Variants in ALYREF observed in about 807,000 individuals in gnomAD.
The protein encoded by ALYREF is Aly/REF export factor.
A neutral mutation model predicts 25.2 loss-of-function variants in ALYREF; 1 was observed. The ratio of observed to expected loss-of-function variants is 0.04; its 90% CI spans 0.01 to 0.19. The LOEUF (loss-of-function observed/expected upper bound fraction) is 0.19, where lower values mean the gene tolerates loss of function less well. Among genes scored for constraint, ALYREF ranks in the 10% least tolerant of loss-of-function variants. The pLI, the probability that ALYREF is intolerant of heterozygous loss-of-function variation, is 1.00. For missense variants in ALYREF, 328 were observed against 375.6 expected (o/e 0.87, Z 1.05); for synonymous variants, 193 against 153.5 (o/e 1.26, Z -1.90).
At position 81,890,779 on chromosome 17, in the gene ALYREF, G is replaced by A. The variant is rs754737042; in HGVS notation, c.300C>T (p.Asp100=). 1.8e-5 allele frequency: 29 copies of A among 1,614,008 alleles called. No individual in the cohort carries two copies. The Admixed American group carries it at 2.2e-4, about 12-fold the overall frequency. The part of the protein sequence containing the change: ...LPDKWQHDLF[D]SGFGGGAGVE... ...CGCCGGCACCACCGCCGAAGCCACT[G>A]TCGAAAAGATCGTGCTGCCACTTGT... Residue 100 remains aspartate, a synonymous_variant, in exon 2 of 6, where the codon GAC becomes GAT. Coordinates refer to ENST00000505490, the MANE Select transcript of ALYREF (RefSeq NM_005782.4).
chr17:81,888,678 A>G lies in ALYREF; in HGVS notation c.539-95T>C. ...CCTGGTCTCCATGCAAACACTGGAA[A>G]GGGCCTCTGTGCGTCTCAAATGCCC... On this transcript the variant is annotated intron_variant, in intron 3 of 5. Coordinates refer to ENST00000505490, the MANE Select transcript of ALYREF (RefSeq NM_005782.4). This position sits in a 1 kb window ranked among gnomAD's most constrained non-coding sequence, Gnocchi z 5.8. 1 of 1,530,648 alleles carries G rather than the reference A, an allele frequency of 6.5e-7. No individual in the cohort carries two copies. Among genetic ancestry groups the G allele is most frequent in the South Asian group, 1.2e-5 (1 of 82,452 alleles). The allele number at this position is 1,530,648 out of a possible 1,614,324, so 94.8% of individuals were successfully genotyped here.
In ALYREF at chr17:81,891,366, G is replaced by A; in HGVS notation, c.215C>T (p.Ala72Val). 5 of 1,149,774 alleles carry A rather than the reference G, an allele frequency of 4.3e-6. No homozygotes were observed. The highest frequency in any genetic ancestry group is 5.4e-6 in the Non-Finnish European group (5 of 933,896). 71.2% of individuals were successfully genotyped at this position (1,149,774 alleles called of 1,614,324 possible). ...TCGGTTCCTGCCGCCTCCGCCGGCC[G>A]CGCCGCGGGCGATGGCCGGCCGGTT... ...IRNRPAIARG[A>V]AGGGGRNRPA... The change falls in exon 1 of 6, where the codon GCG (alanine) becomes GTG (valine). Residue 72 changes from alanine (A) to valine (V), a missense_variant. Coordinates refer to ENST00000505490, the MANE Select transcript of ALYREF (RefSeq NM_005782.4).
At chr17:81,891,057 G>T in intron 1 of ALYREF, 1 of 694,362 alleles carries the variant, frequency 1.4e-6, no homozygotes, top group Non-Finnish European at 2.3e-6. Flanking sequence ...CGCGCCCAGC[G>T]TCCCCTCCTC....
chr17:81,891,295 C>G (rs2039523984), intron 1 of ALYREF, 28 bp downstream of exon 1: 1 of 1,128,178 alleles, frequency 8.9e-7, no homozygotes, highest in African/African-American at 1.7e-5. Flanking sequence ...CCCTCCCACT[C>G]TCCGGCGCGG....
rs1381337363 is a variant in ALYREF, at chr17:81,889,295, G to A, written c.425C>T (p.Ala142Val). ...LFAEFGTLKK[A>V]AVHYDRSGRS... ...ACCAGAGCGATCATAGTGCACAGCC[G>A]CCTTCTTCAGCGTTCCAAATTCAGC... Residue 142 changes from alanine to valine, a missense_variant, in exon 3 of 6, where the codon GCG becomes GTG. Ala to Val is a moderately conservative substitution (Grantham distance 64, BLOSUM62 0). Around this residue, in one of 3 missense-constraint regions of ALYREF, gnomAD observed 70 missense variants for 129.9 expected, o/e 0.54. Transcript: ENST00000505490. 9 of 1,614,046 alleles carry A rather than the reference G, an allele frequency of 5.6e-6. No homozygotes were observed. The highest frequency in any genetic ancestry group is 2.5e-6 in the Non-Finnish European group (3 of 1,179,978).
Position 81,891,438 on chromosome 17 carries a change from C to T in ALYREF, c.143G>A (p.Gly48Glu). Reference sequence around the variant, plus strand: ...ATTCACTCGCGCGGCGGCCTGCGCCCCACCGCCGCGGCCGCCCTGGGAGCC... The same window carrying T: ...ATTCACTCGCGCGGCGGCCTGCGCCTCACCGCCGCGGCCGCCCTGGGAGCC... ...RAGSQGGRGG[G>E]AQAAARVNRG... Residue 48 changes from glycine (G) to glutamate (E), a missense_variant, in exon 1 of 6, where the codon GGG becomes GAG. Transcript: ENST00000505490. The T allele has an allele frequency of 9.8e-7, 1 of 1,019,476 alleles. No homozygotes were observed. Among genetic ancestry groups the T allele is most frequent in the Non-Finnish European group, 1.2e-6 (1 of 856,146 alleles). 63.2% of individuals were successfully genotyped at this position (1,019,476 alleles called of 1,614,324 possible).
In ALYREF at chr17:81,891,339, G is replaced by A. The variant is rs1202323648; in HGVS notation, c.242C>T (p.Pro81Leu). ...GAAGGGGRNR[P>L]APYSRPKQLP... ...CGCACTCACCCTGCTGTAGGGCGCC[G>A]GTCGGTTCCTGCCGCCTCCGCCGGC... The change falls in exon 1 of 6, where the codon CCG becomes CTG. Residue 81 changes from proline to leucine, a missense_variant. Pro to Leu is a moderately conservative substitution (Grantham distance 98). Coordinates refer to ENST00000505490, the MANE Select transcript of ALYREF (RefSeq NM_005782.4). 6.0e-6 allele frequency: 7 copies of A among 1,163,570 alleles called. No individual in the cohort carries two copies. The South Asian group carries it at 1.2e-4, about 20-fold the overall frequency. The allele number at this position is 1,163,570 out of a possible 1,614,324, so 72.1% of individuals were successfully genotyped here. A position where few individuals can be genotyped will look rare whatever the true frequency, so the allele number is the denominator to read the frequency against.
rs1429248588 is a variant in ALYREF at position 81,888,067 on chromosome 17, C to T, written c.*64G>A. 2.4e-5 allele frequency: 39 copies of T among 1,602,082 alleles called. 1 individual carries two copies. The South Asian group carries it at 3.1e-4, about 13-fold the overall frequency. Reference sequence around the variant, plus strand: ...TTGGCCGCACAGCCCCAGCCACCGCCCCCCAACCAGGGAGCAAGAGGAGAC... The same window carrying T: ...TTGGCCGCACAGCCCCAGCCACCGCTCCCCAACCAGGGAGCAAGAGGAGAC... On this transcript the variant is annotated 3_prime_UTR_variant, in exon 6 of 6. Transcript: ENST00000505490. This position sits in a 1 kb window ranked among gnomAD's most constrained non-coding sequence, Gnocchi z 5.8.
At chr17:81,891,130 G>T in intron 1 of ALYREF, 193 bp downstream of exon 1, 1 of 609,798 alleles carries the variant, frequency 1.6e-6, no homozygotes, top group Non-Finnish European at 2.5e-6. Flanking sequence ...CAGCCTCCGG[G>T]ACCGGACCCC....
chr17:81,891,058 T>TC lies in ALYREF; in HGVS notation c.259-239dup, dbSNP rs1598292698. On this transcript the variant is annotated intron_variant, in intron 1 of 5. Transcript: ENST00000505490. ...CCCGCCGCCTGTGCCGCGCCCAGCG[T>TC]CCCCTCCTCTCCTGCCACGAGGCCC... 1.2e-5 allele frequency: 8 copies of TC among 677,310 alleles called. No homozygotes were observed. In the East Asian group the frequency reaches 2.3e-4, roughly 20 times the overall value. The allele number at this position is 677,310 out of a possible 1,614,324, so 42.0% of individuals were successfully genotyped here. A position where few individuals can be genotyped will look rare whatever the true frequency, so the allele number is the denominator to read the frequency against.
chr17:81,890,495 C>T (rs2143496453), intron 2 of ALYREF, among the ~76,000 whole-genome samples, 194 bp downstream of exon 2: 1 of 152,318 alleles, frequency 6.6e-6, no homozygotes, highest in South Asian at 2.1e-4. Context: ...AGCAGCAGTT[C>T]CTCAGGCTCA....
Position 81,888,539 on chromosome 17 carries a change from G to C in ALYREF, c.583C>G (p.Gln195Glu). 6.3e-7 allele frequency: 1 copy of C among 1,597,760 alleles called. No homozygotes were observed. Residue 195 changes from glutamine (Q) to glutamate (E), a missense_variant, in exon 4 of 6, where the codon CAG (glutamine) becomes GAG (glutamate). By Grantham distance (29) the Gln-to-Glu change is conservative. Transcript: ENST00000505490. This position sits in a 1 kb window ranked among gnomAD's most constrained non-coding sequence, Gnocchi z 5.8. ...IQLVTSQIDA[Q>E]RRPAQSVNRG... is the part of the protein sequence containing the mutation. ...AGTCACCTCTGTGCAGGCCTCCGCTGTGCGTCAATCTGTGACGTGACAAGC... is the reference window on the plus strand; with the variant it reads ...AGTCACCTCTGTGCAGGCCTCCGCTCTGCGTCAATCTGTGACGTGACAAGC...
chr17:81,891,260 G>A (rs2039522453), intron 1 of ALYREF, 63 bp downstream of exon 1: 1 of 1,079,762 alleles, frequency 9.3e-7, no homozygotes, highest in Non-Finnish European at 1.1e-6. Flanking sequence ...GCCGCGAGCG[G>A]CCCCGGCCCC....
In ALYREF at chr17:81,888,308, C is replaced by A. The variant is rs759136384; in HGVS notation, c.713G>T (p.Gly238Val). 1 of 1,607,526 alleles carries A rather than the reference C, an allele frequency of 6.2e-7. No individual in the cohort carries two copies. The highest frequency in any genetic ancestry group is 1.7e-5 in the Admixed American group (1 of 59,914). Residue 238 changes from glycine to valine, a missense_variant, in exon 5 of 6, where the codon GGC (glycine) becomes GTC (valine). Coordinates refer to ENST00000505490, the MANE Select transcript of ALYREF (RefSeq NM_005782.4). This position sits in a 1 kb window ranked among gnomAD's most constrained non-coding sequence, Gnocchi z 5.8. ...CGAAAGCTGCTGCTTTGAATTCCTG[C>A]CGGCACCTCTGCCTCTTCCACGGGC... is the stretch of plus-strand genomic sequence containing the variant. Reference protein sequence around the residue: ...GGARGRGRGAGRNSKQQLSAE... With the variant: ...GGARGRGRGAVRNSKQQLSAE...
chr17:81,891,353 G>A lies in ALYREF; in HGVS notation c.228C>T (p.Gly76=). 8.6e-7 allele frequency: 1 copy of A among 1,156,592 alleles called. No homozygotes were observed. The highest frequency in any genetic ancestry group is 2.9e-5 in the South Asian group (1 of 34,158). 71.6% of individuals were successfully genotyped at this position (1,156,592 alleles called of 1,614,324 possible). ...PAIARGAAGG[G]GRNRPAPYSR... ...TGTAGGGCGCCGGTCGGTTCCTGCCGCCTCCGCCGGCCGCGCCGCGGGCGA... is the reference window on the plus strand; with the variant it reads ...TGTAGGGCGCCGGTCGGTTCCTGCCACCTCCGCCGGCCGCGCCGCGGGCGA... Residue 76 remains glycine (G), a synonymous_variant, in exon 1 of 6, where the codon GGC becomes GGT. Transcript: ENST00000505490.
rs1056216028 is a variant in ALYREF, at chr17:81,887,957, T to C, written c.*174A>G. ...GGTACAAAACAGGTCTGTTTCAGAATTAAAAAAAAAAAAAAAGAAAAAAAA... is the reference window on the plus strand; with the variant it reads ...GGTACAAAACAGGTCTGTTTCAGAACTAAAAAAAAAAAAAAAGAAAAAAAA... On this transcript the variant is annotated 3_prime_UTR_variant, in exon 6 of 6. Transcript: ENST00000505490. 2.7e-6 allele frequency: 2 copies of C among 738,810 alleles called. No individual in the cohort carries two copies. Among genetic ancestry groups the C allele is most frequent in the Non-Finnish European group, 4.0e-6 (2 of 499,032 alleles). 45.8% of individuals were successfully genotyped at this position (738,810 alleles called of 1,614,324 possible).
At position 81,888,115 on chromosome 17, in the gene ALYREF, G is replaced by C; in HGVS notation, c.*16C>G. Reference sequence around the variant, plus strand: ...GACGCCTGGGTCCTGTTCCGCACGCGGATTTGCTGGTCTGTTTAACTGGTG... The same window carrying C: ...GACGCCTGGGTCCTGTTCCGCACGCCGATTTGCTGGTCTGTTTAACTGGTG... On this transcript the variant is annotated 3_prime_UTR_variant, in exon 6 of 6. Coordinates refer to ENST00000505490, the MANE Select transcript of ALYREF (RefSeq NM_005782.4). The surrounding 1 kb of genome is among the most constrained non-coding windows in gnomAD (Gnocchi z 5.8). 1 of 1,614,034 alleles carries C rather than the reference G, an allele frequency of 6.2e-7. No homozygotes were observed. Among genetic ancestry groups the C allele is most frequent in the Non-Finnish European group, 8.5e-7 (1 of 1,180,032 alleles).
intron 1 of ALYREF, chr17:81,891,114 G>A (rs941668514): frequency 7.0e-5 from 45 of 646,720 alleles, no homozygotes; most frequent in Non-Finnish European, 1.0e-4. Context: ...GAGCTGGGAA[G>A]GGTCTCAGCC....
Position 81,888,203 on chromosome 17 carries a change from C to T in ALYREF, c.780+38G>A, listed in dbSNP as rs1334314403. Reference sequence around the variant, plus strand: ...ACAGGCGGCCTGCTCCCCACTGCGGCTTTGACCAGGCCCCCAGCTGGCTCC... The same window carrying T: ...ACAGGCGGCCTGCTCCCCACTGCGGTTTTGACCAGGCCCCCAGCTGGCTCC... On this transcript the variant is annotated intron_variant, in intron 5 of 5. Transcript: ENST00000505490. This position sits in a 1 kb window ranked among gnomAD's most constrained non-coding sequence, Gnocchi z 5.8. 6.2e-7 allele frequency: 1 copy of T among 1,614,032 alleles called. No individual in the cohort carries two copies. The highest frequency in any genetic ancestry group is 1.7e-5 in the Admixed American group (1 of 60,012).
Sources: gnomAD v4.1 joint callset for allele counts (sites outside exome capture counted in the v4.1 genomes callset) on GRCh38, gnomAD v4.1.1 for gene constraint, gnomAD v4.1.1 regional missense constraint, Gnocchi (gnomAD v3.1) non-coding constraint, MANE v1.5 for transcripts, NCBI Gene and HGNC (gene_info 2026-07-23, HGNC 2026-07-21) for gene names.